Variants in FSTL5 observed in about 807,000 individuals in gnomAD.
FSTL5 encodes follistatin-related protein 5.
A neutral mutation model predicts 89.1 loss-of-function variants in FSTL5; 62 were observed. The observed-to-expected ratio is 0.70, with a 90% CI of 0.57 to 0.86. The LOEUF (loss-of-function observed/expected upper bound fraction) is 0.86, where lower values mean the gene tolerates loss of function less well. Among genes scored for constraint, FSTL5 ranks in the 40% least tolerant of loss-of-function variants. The pLI is 0.00. For synonymous variants in FSTL5, 383 were observed against 346.2 expected (o/e 1.11, Z -1.18); for missense variants, 1,057 against 1,001.6 (o/e 1.06, Z -0.75).
chr4:161,789,652 A>G (rs1458081958), intron 4 of FSTL5, among the ~76,000 whole-genome samples: 1 of 152,188 alleles, frequency 6.6e-6, no homozygotes, highest in Non-Finnish European at 1.5e-5. Flanking sequence ...AGCTAATTTA[A>G]TATTTAACGT....
intron 3 of FSTL5, among the ~76,000 whole-genome samples, chr4:161,947,990 T>C (rs75780856): frequency 0.011 from 1,664 of 152,064 alleles, 28 homozygotes; most frequent in African/African-American, 0.038. Context: ...AAGAAAGAAA[T>C]AGAATGCTGA....
intron 15 of FSTL5, among the ~76,000 whole-genome samples, chr4:161,407,957 T>C (rs1257218530): frequency 1.3e-5 from 2 of 152,174 alleles, no homozygotes; most frequent in African/African-American, 4.8e-5. Flanking sequence ...CAGAGAGCTG[T>C]GGCCTGTGGC....
intron 3 of FSTL5, among the ~76,000 whole-genome samples, chr4:161,934,227 T>C (rs922633156): frequency 2.0e-5 from 3 of 152,134 alleles, no homozygotes; most frequent in African/African-American, 7.2e-5. Flanking sequence ...GCCTGTACTT[T>C]GCTCCTATCA....
intron 6 of FSTL5, among the ~76,000 whole-genome samples, chr4:161,725,070 C>A (rs1205751813): frequency 6.6e-6 from 1 of 152,088 alleles, no homozygotes; most frequent in Admixed American, 6.5e-5. Context: ...GTGTCACGTG[C>A]CTGTAGTCCC....
At chr4:161,491,606 T>C (rs906895667) in intron 12 of FSTL5, among the ~76,000 whole-genome samples, 1 of 151,908 alleles carries the variant, frequency 6.6e-6, no homozygotes, top group African/African-American at 2.4e-5. Flanking sequence ...TTTGGGAAAC[T>C]GTGGTGGGCA....
intron 2 of FSTL5, among the ~76,000 whole-genome samples, chr4:162,054,147 T>C (rs777848910): frequency 4.0e-5 from 6 of 150,966 alleles, no homozygotes; most frequent in Non-Finnish European, 7.4e-5. Context: ...TCAGGATGCA[T>C]TTATATTAGA....
At chr4:162,091,384 T>C (rs1730543506) in intron 2 of FSTL5, among the ~76,000 whole-genome samples, 1 of 152,186 alleles carries the variant, frequency 6.6e-6, no homozygotes, top group Non-Finnish European at 1.5e-5. Context: ...CACTTCATAA[T>C]CTTCAACTAC....
intron 4 of FSTL5, among the ~76,000 whole-genome samples, chr4:161,852,120 C>G (rs992696878): frequency 6.6e-6 from 1 of 151,950 alleles, no homozygotes; most frequent in Non-Finnish European, 1.5e-5. Context: ...GTTAATGACA[C>G]TGACCCTCAC....
At chr4:161,550,201 G>C (rs1732151527) in intron 8 of FSTL5, among the ~76,000 whole-genome samples, 1 of 151,812 alleles carries the variant, frequency 6.6e-6, no homozygotes. Context: ...AAAAATAATA[G>C]ACCTTCAAAG....
chr4:161,616,772 C>A (rs527306334), intron 7 of FSTL5, among the ~76,000 whole-genome samples: 1 of 151,410 alleles, frequency 6.6e-6, no homozygotes, highest in Non-Finnish European at 1.5e-5. Flanking sequence ...ACATCGGTGA[C>A]GAGTGGATAG....
intron 2 of FSTL5, among the ~76,000 whole-genome samples, chr4:162,059,118 A>C (rs1038934508): frequency 4.6e-5 from 7 of 152,218 alleles, no homozygotes; most frequent in African/African-American, 1.7e-4. Flanking sequence ...TCTTTTAAAC[A>C]ACAATACAAA....
intron 15 of FSTL5, among the ~76,000 whole-genome samples, chr4:161,431,018 G>T (rs1732345696): frequency 6.6e-6 from 1 of 152,038 alleles, no homozygotes; most frequent in Admixed American, 6.6e-5. Flanking sequence ...AAAGCTGAGG[G>T]ATTTAATCAA....
At chr4:161,454,934 G>A in intron 15 of FSTL5, 70 bp downstream of exon 15, 3 of 1,433,970 alleles carry the variant, frequency 2.1e-6, no homozygotes, top group East Asian at 2.3e-5. Context: ...GTTTCTTTAC[G>A]ATTTCACATG....
At chr4:161,418,121 A>G (rs1731850857) in intron 15 of FSTL5, among the ~76,000 whole-genome samples, 1 of 152,128 alleles carries the variant, frequency 6.6e-6, no homozygotes, top group Non-Finnish European at 1.5e-5. Context: ...TGATGCGTAC[A>G]TTAAGTTCAT....
At chr4:161,412,687 A>G (rs1397708134) in intron 15 of FSTL5, among the ~76,000 whole-genome samples, 1 of 152,192 alleles carries the variant, frequency 6.6e-6, no homozygotes, top group Non-Finnish European at 1.5e-5. Flanking sequence ...CACAGTAGAC[A>G]AAATAGTTTG....
chr4:161,995,562 G>A (rs2111090294), intron 3 of FSTL5, among the ~76,000 whole-genome samples: 1 of 152,148 alleles, frequency 6.6e-6, no homozygotes, highest in Non-Finnish European at 1.5e-5. Flanking sequence ...AGACGGACCA[G>A]GGTTATTCAT....
chr4:162,039,824 A>G (rs577597337), intron 2 of FSTL5, among the ~76,000 whole-genome samples: 1 of 152,110 alleles, frequency 6.6e-6, no homozygotes, highest in African/African-American at 2.4e-5. Flanking sequence ...GTCAAAAGTG[A>G]TATGTTCTAG....
intron 6 of FSTL5, among the ~76,000 whole-genome samples, chr4:161,749,201 T>C (rs1740309836): frequency 6.6e-6 from 1 of 152,056 alleles, no homozygotes; most frequent in Admixed American, 6.6e-5. Context: ...AGAAAGGAAA[T>C]CATTATATTG....
Position 161,838,845 on chromosome 4 carries a change from C to A in FSTL5, c.410-62771G>T, listed in dbSNP as rs768429323. On this transcript the variant is annotated intron_variant, in intron 4 of 15. Transcript: ENST00000306100. ...AACCATGTTGAGCTGTAAAACAAAT[C>A]TCAATCAATTTAAAAGCCAGAAATC... is the stretch of plus-strand genomic sequence containing the variant. 3.5e-4 allele frequency among the ~76,000 whole-genome samples: 53 copies of A among 152,100 alleles called. 1 individual carries two copies. The highest frequency in any genetic ancestry group is 7.1e-4 in the Non-Finnish European group (48 of 67,972).
Sources: allele counts gnomAD v4.1 joint callset (sites outside exome capture counted in the v4.1 genomes callset), GRCh38; gene constraint gnomAD v4.1.1; transcripts MANE v1.5; gene names NCBI Gene and HGNC (gene_info 2026-07-23, HGNC 2026-07-21).